NCOA3: variants seen among roughly 807,000 people sequenced by gnomAD.
NCOA3 encodes nuclear receptor coactivator 3, also known as CBP-interacting protein.
Under a neutral mutation model 158.8 loss-of-function variants are expected in NCOA3, and 51 were observed. The ratio of observed to expected loss-of-function variants is 0.32; its 90% CI spans 0.26 to 0.41. The LOEUF (loss-of-function observed/expected upper bound fraction) is 0.41. Ranked by LOEUF, NCOA3 falls within the 10% of genes least tolerant of loss-of-function variation. NCOA3 has a pLI of 1.00. For synonymous variants in NCOA3, 537 were observed against 592.4 expected (o/e 0.91, Z 1.36); for missense variants, 1,510 against 1,746.6 (o/e 0.86, Z 2.41).
rs1157051097 is a variant in NCOA3 at position 47,587,793 on chromosome 20, TA to T, written c.-20+4533del. Reference sequence around the variant, plus strand: ...TCGCATGTGTTCATTGAAACATACATATACATATTTTAGAAATCATGAGCTT... The same window carrying T: ...TCGCATGTGTTCATTGAAACATACATTACATATTTTAGAAATCATGAGCTT... On this transcript the variant is annotated intron_variant, in intron 2 of 22. Transcript: ENST00000371998. Among the ~76,000 whole-genome samples, 4 of 152,344 alleles carry T rather than the reference TA, an allele frequency of 2.6e-5. No individual in the cohort carries two copies. In the South Asian group the frequency reaches 6.2e-4, roughly 24 times the overall value.
chr20:47,617,235 C>T (rs979709168), intron 2 of NCOA3, among the ~76,000 whole-genome samples: 4 of 152,204 alleles, frequency 2.6e-5, no homozygotes, highest in African/African-American at 9.6e-5. Flanking sequence ...GGATTACAGG[C>T]GTGAGCCACC....
chr20:47,612,323 C>G (rs72645222), intron 2 of NCOA3, among the ~76,000 whole-genome samples: 9 of 151,834 alleles, frequency 5.9e-5, no homozygotes, highest in Admixed American at 2.6e-4. Context: ...TTAGAGCTTA[C>G]AAGGTAGGAA....
At chr20:47,542,400 T>C (rs777139287) in intron 1 of NCOA3, among the ~76,000 whole-genome samples, 111 of 152,230 alleles carry the variant, frequency 7.3e-4, no homozygotes, top group Admixed American at 2.0e-3. Flanking sequence ...GGTTTTTCAG[T>C]GTGTCCTCTG....
At chr20:47,596,498 T>C (rs1198920610) in intron 2 of NCOA3, among the ~76,000 whole-genome samples, 1 of 152,236 alleles carries the variant, frequency 6.6e-6, no homozygotes, top group African/African-American at 2.4e-5. Flanking sequence ...AATATTTTTA[T>C]TGCTCTAAAG....
In NCOA3 at chr20:47,511,627, C is replaced by T. The variant is rs373745895; in HGVS notation, c.-99+9608C>T. 9.1e-5 allele frequency among the ~76,000 whole-genome samples: 13 copies of T among 142,370 alleles called. No homozygotes were observed. The East Asian group carries it at 2.1e-3, about 23-fold the overall frequency. 93.4% of individuals were successfully genotyped at this position (142,370 alleles called of 152,430 possible). A position where few individuals can be genotyped will look rare whatever the true frequency, so the allele number is the denominator to read the frequency against. On this transcript the variant is annotated intron_variant, in intron 1 of 22. Transcript: ENST00000371998. ...ATGCACTGGTGCTATCTCAGATCAC[C>T]GCAACCTCCACCTCCCCGGTTCAAG...
At chr20:47,600,812 G>T (rs2085848983) in intron 2 of NCOA3, among the ~76,000 whole-genome samples, 1 of 134,608 alleles carries the variant, frequency 7.4e-6, no homozygotes, top group Admixed American at 7.5e-5. Context: ...CACTGTCCCT[G>T]GCAAAAAAAA....
intron 1 of NCOA3, among the ~76,000 whole-genome samples, chr20:47,517,432 TTTTTTCTTTTTTC>T (rs1230973664): frequency 1.4e-5 from 2 of 147,616 alleles, no homozygotes; most frequent in South Asian, 2.1e-4. Context: ...ATTTTCTTCT[TTTTTTCTTTTTTC>T]TTTTTCTTTT....
At position 47,656,068 on chromosome 20, in the gene NCOA3, G is replaced by T. The variant is rs1156790289; in HGVS notation, c.*2651G>T. On this transcript the variant is annotated 3_prime_UTR_variant, in exon 23 of 23. Coordinates refer to ENST00000371998, the MANE Select transcript of NCOA3 (RefSeq NM_181659.3). ...TTTTTTCAAACCTTGGTATCTGTTG[G>T]GTGAACAGTATAATCTTTTCATCTG... 2 of 149,780 alleles carry T rather than the reference G, an allele frequency of 1.3e-5. No homozygotes were observed. The highest frequency in any genetic ancestry group is 1.9e-4 in the East Asian group (1 of 5,154). The allele number at this position is 149,780 out of a possible 1,614,324, so 9.3% of individuals were successfully genotyped here.
intron 1 of NCOA3, among the ~76,000 whole-genome samples, chr20:47,571,004 A>AGTGTG (rs2085286395): frequency 1.0e-5 from 1 of 98,742 alleles, no homozygotes; most frequent in African/African-American, 3.5e-5. Flanking sequence ...GTGTGTGTGT[A>AGTGTG]TATACATTTT....
intron 2 of NCOA3, among the ~76,000 whole-genome samples, chr20:47,591,814 C>T (rs2085646765): frequency 6.6e-6 from 1 of 150,404 alleles, no homozygotes; most frequent in Non-Finnish European, 1.5e-5. Context: ...CTTGTGGATA[C>T]TTTTAAGATT....
At chr20:47,508,471 C>G (rs1042935188) in intron 1 of NCOA3, among the ~76,000 whole-genome samples, 2 of 152,146 alleles carry the variant, frequency 1.3e-5, no homozygotes, top group Non-Finnish European at 2.9e-5. Flanking sequence ...GGTATTGTTC[C>G]TCCATCTCAT....
intron 5 of NCOA3, among the ~76,000 whole-genome samples, chr20:47,626,212 A>G (rs191316040): frequency 4.6e-5 from 7 of 152,388 alleles, no homozygotes; most frequent in South Asian, 2.1e-4. Context: ...GAAGCCCTTC[A>G]TAAAGTTAAC....
At chr20:47,516,718 C>T (rs1296619530) in intron 1 of NCOA3, among the ~76,000 whole-genome samples, 1 of 150,938 alleles carries the variant, frequency 6.6e-6, no homozygotes, top group Non-Finnish European at 1.5e-5. Context: ...GTCAGGAGTT[C>T]AAGACTAGCC....
intron 1 of NCOA3, 102 bp downstream of exon 1, chr20:47,502,121 A>C (rs2083941770): frequency 7.5e-6 from 3 of 398,310 alleles, no homozygotes; most frequent in Non-Finnish European, 1.3e-5. Flanking sequence ...CAGCGGCTTC[A>C]GATCTGCCAA....
In NCOA3 at chr20:47,637,780, C is replaced by T. The variant is rs146412997; in HGVS notation, c.2509C>T (p.Leu837=). ...ACAGGTGTTTCAAGGAACTAATTCT[C>T]TGGGTAAGAATGAACTAGGTTTTTT... The part of the protein sequence containing the change: ...KQQVFQGTNS[L]GLKSSQSVQS... The change falls in exon 13 of 23, where the codon CTG becomes TTG. Residue 837 remains leucine (L), a synonymous_variant. Coordinates refer to ENST00000371998, the MANE Select transcript of NCOA3 (RefSeq NM_181659.3). 2.2e-4 allele frequency: 349 copies of T among 1,583,732 alleles called. No individual in the cohort carries two copies. Among genetic ancestry groups the T allele is most frequent in the Non-Finnish European group, 2.8e-4 (326 of 1,170,464 alleles).
rs143623449 is a variant in NCOA3, at chr20:47,651,020, C to T, written c.3690C>T (p.Ser1230=). 545 of 1,614,118 alleles carry T rather than the reference C, an allele frequency of 3.4e-4. 2 individuals are homozygous for T. In the African/African-American group the frequency reaches 6.2e-3, roughly 18 times the overall value. Reference sequence around the variant, plus strand: ...ATGCTCAAATGGTCGCCCAACGCAGCAGAGAGCTGCTAAGTCATCACTTCC... The same window carrying T: ...ATGCTCAAATGGTCGCCCAACGCAGTAGAGAGCTGCTAAGTCATCACTTCC... ...FLNAQMVAQR[S]RELLSHHFRQ... Residue 1230 remains serine, a synonymous_variant, in exon 20 of 23, where the codon AGC becomes AGT. Transcript: ENST00000371998.
chr20:47,642,588 C>A (rs1035470435), intron 17 of NCOA3, among the ~76,000 whole-genome samples: 10 of 152,094 alleles, frequency 6.6e-5, no homozygotes, highest in Non-Finnish European at 1.5e-4. Context: ...AATATACTTA[C>A]GATTGCGATA....
At chr20:47,596,166 G>T (rs768299318) in intron 2 of NCOA3, among the ~76,000 whole-genome samples, 1 of 152,204 alleles carries the variant, frequency 6.6e-6, no homozygotes, top group African/African-American at 2.4e-5. Context: ...TATCCTTGAA[G>T]TCACAGCTAT....
chr20:47,561,873 A>G (rs1242245214), intron 1 of NCOA3, among the ~76,000 whole-genome samples: 1 of 152,174 alleles, frequency 6.6e-6, no homozygotes, highest in Non-Finnish European at 1.5e-5. Context: ...AATATCATAC[A>G]GAGTAGTTTC....
Sources: gnomAD v4.1 joint callset for allele counts (sites outside exome capture counted in the v4.1 genomes callset) on GRCh38, gnomAD v4.1.1 for gene constraint, MANE v1.5 for transcripts, NCBI Gene and HGNC (gene_info 2026-07-23, HGNC 2026-07-21) for gene names.